The following TRAPPC10 variants were observed in gnomAD, a reference collection of about 807,000 sequenced individuals.
The protein encoded by TRAPPC10 is trafficking protein particle complex subunit 10, also known as TRAPP 130 kDa subunit.
A neutral mutation model predicts 125.5 loss-of-function variants in TRAPPC10; 23 were observed. That is an observed-to-expected ratio of 0.18 (90% CI 0.13 to 0.26). The LOEUF is 0.26. TRAPPC10 is among the 10% of genes least tolerant of loss of function. The pLI is 1.00. For synonymous variants in TRAPPC10, 509 were observed against 518.0 expected, an observed-to-expected ratio of 0.98 and a Z score of 0.24; for missense variants, 1,123 against 1,308.4, an observed-to-expected ratio of 0.86 and a Z score of 2.19.
intron 1 of TRAPPC10, among the ~76,000 whole-genome samples, chr21:44,022,276 ATTTTT>A (rs58767563): frequency 1.2e-5 from 1 of 83,774 alleles, no homozygotes; most frequent in Non-Finnish European, 2.4e-5. Flanking sequence ...GCCTGGCTAA[ATTTTT>A]TTTTTTTTTT....
intron 17 of TRAPPC10, chr21:44,089,179 C>G: frequency 3.3e-6 from 1 of 304,270 alleles, no homozygotes; most frequent in Non-Finnish European, 6.5e-6. Flanking sequence ...TCTTCCCTGG[C>G]GCTGGTGGCA....
In TRAPPC10 at chr21:44,083,126, TC is replaced by T; in HGVS notation, c.2064del (p.Leu689Ter). ...EMFERSPSDN[S>X]LNTTGIICRN... The stretch of plus-strand genomic sequence containing the variant: ...GTTTGAGAGAAGCCCATCTGATAAC[TC>T]CTTGAACACGACTGGGATTATCTGC... On this transcript the variant is annotated frameshift_variant, in exon 14 of 23. Coordinates refer to ENST00000291574, the MANE Select transcript of TRAPPC10 (RefSeq NM_003274.5). LOFTEE classifies it high-confidence loss of function. The T allele has an allele frequency of 6.2e-7, 1 of 1,614,148 alleles. No homozygotes were observed. Among genetic ancestry groups the T allele is most frequent in the East Asian group, 2.2e-5 (1 of 44,882 alleles).
intron 19 of TRAPPC10, among the ~76,000 whole-genome samples, chr21:44,092,427 AAG>A (rs1458172426): frequency 6.6e-6 from 1 of 152,196 alleles, no homozygotes; most frequent in Non-Finnish European, 1.5e-5. Flanking sequence ...GCCTTTGTAA[AAG>A]AGCCATGCTT....
chr21:44,094,316 A>C, intron 20 of TRAPPC10, 83 bp downstream of exon 20: 1 of 1,297,094 alleles, frequency 7.7e-7, no homozygotes, highest in Non-Finnish European at 1.1e-6. Flanking sequence ...AGAACTGAAT[A>C]GACAGCTTCT....
At chr21:44,042,105 G>T (rs2034468078) in intron 3 of TRAPPC10, among the ~76,000 whole-genome samples, 1 of 152,090 alleles carries the variant, frequency 6.6e-6, no homozygotes, top group Admixed American at 6.6e-5. Context: ...AGAGAACCAG[G>T]ATTTTAATGT....
intron 5 of TRAPPC10, 83 bp downstream of exon 5, chr21:44,055,976 G>C: frequency 8.1e-7 from 1 of 1,238,422 alleles, no homozygotes; most frequent in Non-Finnish European, 1.1e-6. Context: ...TTCTTTCTAA[G>C]TAAGGCACCT....
At chr21:44,080,677 A>G (rs774846471) in intron 13 of TRAPPC10, among the ~76,000 whole-genome samples, 1 of 151,890 alleles carries the variant, frequency 6.6e-6, no homozygotes, top group Non-Finnish European at 1.5e-5. Flanking sequence ...AGCTGGGGTT[A>G]CGTGCGCCCG....
intron 3 of TRAPPC10, among the ~76,000 whole-genome samples, chr21:44,039,307 A>T (rs2034241278): frequency 6.6e-6 from 1 of 152,204 alleles, no homozygotes; most frequent in Non-Finnish European, 1.5e-5. Flanking sequence ...GTGGTTAGTC[A>T]GTCACCTTTA....
At chr21:44,060,608 T>C (rs2035962797) in intron 6 of TRAPPC10, among the ~76,000 whole-genome samples, 1 of 150,144 alleles carries the variant, frequency 6.7e-6, no homozygotes, top group South Asian at 2.1e-4. Context: ...CATATCTATT[T>C]ATTTATTTTT....
At chr21:44,055,618 G>T (rs1300424269) in intron 4 of TRAPPC10, 80 bp from the exon 5 acceptor site, 7 of 1,114,020 alleles carry the variant, frequency 6.3e-6, no homozygotes, top group Non-Finnish European at 8.8e-6. Context: ...GAAAATTGCC[G>T]CTCAGGACAA....
chr21:44,044,379 G>C (rs991241577), intron 3 of TRAPPC10, among the ~76,000 whole-genome samples: 3 of 150,846 alleles, frequency 2.0e-5, no homozygotes, highest in African/African-American at 7.3e-5. Flanking sequence ...TAATATTGAG[G>C]ATTTTAGATT....
At chr21:44,075,660 A>AT (rs1245497332) in intron 9 of TRAPPC10, among the ~76,000 whole-genome samples, 1 of 152,076 alleles carries the variant, frequency 6.6e-6, no homozygotes, top group Non-Finnish European at 1.5e-5. Context: ...TAATTTTTTA[A>AT]TTTTTTGTAG....
intron 18 of TRAPPC10, among the ~76,000 whole-genome samples, chr21:44,091,285 A>C (rs2038558900): frequency 6.6e-6 from 1 of 152,186 alleles, no homozygotes; most frequent in South Asian, 2.1e-4. Flanking sequence ...GAGAGTCTTC[A>C]CCTGTAATGA....
chr21:44,058,496 A>G (rs2035780777), intron 5 of TRAPPC10, among the ~76,000 whole-genome samples: 3 of 152,196 alleles, frequency 2.0e-5, no homozygotes, highest in Admixed American at 2.0e-4. Flanking sequence ...GCTGACTGAA[A>G]TGGGGAAGAC....
chr21:44,082,295 A>C lies in TRAPPC10; in HGVS notation c.1724-493A>C, dbSNP rs1280615823. ...ACTGTAGACCTGGCTGGTTGCTGCC[A>C]TCCTGGGCCTGGGGGCACAGAGGGG... is the stretch of plus-strand genomic sequence containing the variant. On this transcript the variant is annotated intron_variant, in intron 13 of 22. Transcript: ENST00000291574. The surrounding 1 kb of genome is among the most constrained non-coding windows in gnomAD (Gnocchi z 4.4). 1.3e-5 allele frequency among the ~76,000 whole-genome samples: 2 copies of C among 152,226 alleles called. No homozygotes were observed. The highest frequency in any genetic ancestry group is 4.8e-5 in the African/African-American group (2 of 41,458).
chr21:44,070,006 G>A (rs1372999362), intron 7 of TRAPPC10, among the ~76,000 whole-genome samples: 1 of 151,986 alleles, frequency 6.6e-6, no homozygotes, highest in Non-Finnish European at 1.5e-5. Context: ...CGATAAGAGA[G>A]GGCATACTTT....
At chr21:44,045,850 C>T (rs561303573) in intron 3 of TRAPPC10, among the ~76,000 whole-genome samples, 13 of 152,144 alleles carry the variant, frequency 8.5e-5, no homozygotes, top group Admixed American at 2.0e-4. Context: ...GCCACCGCAC[C>T]GGGCCAAGAT....
At chr21:44,050,928 G>A (rs147039904) in intron 3 of TRAPPC10, among the ~76,000 whole-genome samples, 3 of 151,946 alleles carry the variant, frequency 2.0e-5, no homozygotes, top group African/African-American at 2.4e-5. Context: ...TTTTGGAGAC[G>A]CAGTCTCGCT....
chr21:44,075,196 T>TCC, intron 9 of TRAPPC10, 43 bp downstream of exon 9: 1 of 1,410,726 alleles, frequency 7.1e-7, no homozygotes, highest in Non-Finnish European at 1.0e-6. Flanking sequence ...AGGTGGACAG[T>TCC]AATGAAAATG....
Sources: allele counts gnomAD v4.1 joint callset (sites outside exome capture counted in the v4.1 genomes callset), GRCh38; gene constraint gnomAD v4.1.1; non-coding constraint Gnocchi (gnomAD v3.1); transcripts MANE v1.5; gene names NCBI Gene and HGNC (gene_info 2026-07-23, HGNC 2026-07-21).